CUX2: variants seen among roughly 807,000 people sequenced by gnomAD.
CUX2 encodes the protein cut like homeobox 2, also known as homeobox protein cut-like 2.
Under a neutral mutation model 144.8 loss-of-function variants are expected in CUX2, and 40 were observed. That is an observed-to-expected ratio of 0.28 (90% confidence interval 0.21 to 0.36). The LOEUF (loss-of-function observed/expected upper bound fraction) is 0.36, where lower values mean the gene tolerates loss of function less well. CUX2 is among the 10% of genes least tolerant of loss of function. CUX2 has a pLI of 1.00. For synonymous variants in CUX2, 827 were observed against 875.6 expected, an observed-to-expected ratio of 0.94 and a Z score of 0.98; for missense variants, 1,615 against 1,994.0, an observed-to-expected ratio of 0.81 and a Z score of 3.62.
At chr12:111,115,135 C>A (rs927581847) in intron 1 of CUX2, among the ~76,000 whole-genome samples, 2 of 152,028 alleles carry the variant, frequency 1.3e-5, no homozygotes, top group African/African-American at 2.4e-5. Context: ...TTCAAAGTTT[C>A]TTTGGATATT....
At chr12:111,203,231 C>CAAA (rs35855857) in intron 1 of CUX2, among the ~76,000 whole-genome samples, 19 of 76,528 alleles carry the variant, frequency 2.5e-4, no homozygotes, top group East Asian at 7.2e-4. Flanking sequence ...GACTCTGTCT[C>CAAA]AAAAAAAAAA....
At chr12:111,104,508 CA>C (rs1873468422) in intron 1 of CUX2, among the ~76,000 whole-genome samples, 2 of 152,226 alleles carry the variant, frequency 1.3e-5, no homozygotes, top group African/African-American at 4.8e-5. Context: ...GAGCCTGATT[CA>C]AAAGCCAGGT....
chr12:111,122,264 C>T (rs1451128762), intron 1 of CUX2, among the ~76,000 whole-genome samples: 1 of 152,220 alleles, frequency 6.6e-6, no homozygotes, highest in Admixed American at 6.5e-5. Flanking sequence ...TCCCCTACCC[C>T]ACCTTTCATT....
intron 1 of CUX2, among the ~76,000 whole-genome samples, chr12:111,067,646 T>C (rs1871077964): frequency 6.6e-6 from 1 of 152,222 alleles, no homozygotes; most frequent in Admixed American, 6.5e-5. Context: ...GGCCACTCCA[T>C]TCTGTGTGAC....
At position 111,037,561 on chromosome 12, in the gene CUX2, T is replaced by TC. The variant is rs563887262; in HGVS notation, c.63+3327dup. The stretch of plus-strand genomic sequence containing the variant: ...CTACTCCGGCACTCCTGAAACTACC[T>TC]CCCCCCGTCTTTGCTTCTTTTTTGC... On this transcript the variant is annotated intron_variant, in intron 1 of 21. Coordinates refer to ENST00000261726, the MANE Select transcript of CUX2 (RefSeq NM_015267.4). The surrounding 1 kb of genome is among the most constrained non-coding windows in gnomAD (Gnocchi z 5.4). Among the ~76,000 whole-genome samples the TC allele has an allele frequency of 6.6e-5, 10 of 152,140 alleles. No homozygotes were observed. The East Asian group carries it at 1.4e-3, about 21-fold the overall frequency.
At position 111,322,203 on chromosome 12, in the gene CUX2, AACT is replaced by A. The variant is rs1887570304; in HGVS notation, c.2767-213_2767-211del. Among the ~76,000 whole-genome samples, 1 of 151,910 alleles carries A rather than the reference AACT, an allele frequency of 6.6e-6. No individual in the cohort carries two copies. Among genetic ancestry groups the A allele is most frequent in the Non-Finnish European group, 1.5e-5 (1 of 67,984 alleles). ...CGTGCACCAGCCTGGTACAAGTCCCAACTACTAAGGAGGCTGAGGCAGGAGAAT... is the reference window on the plus strand; with the variant it reads ...CGTGCACCAGCCTGGTACAAGTCCCAACTAAGGAGGCTGAGGCAGGAGAAT... On this transcript the variant is annotated intron_variant, in intron 17 of 21. Transcript: ENST00000261726. This position sits in a 1 kb window ranked among gnomAD's most constrained non-coding sequence, Gnocchi z 4.2.
intron 3 of CUX2, among the ~76,000 whole-genome samples, chr12:111,230,767 G>C (rs533429087): frequency 1.3e-5 from 2 of 152,324 alleles, no homozygotes; most frequent in African/African-American, 4.8e-5. Flanking sequence ...GGTAAATGCT[G>C]AACAACTAGC....
intron 1 of CUX2, among the ~76,000 whole-genome samples, chr12:111,142,895 A>G (rs554613479): frequency 2.0e-5 from 3 of 152,276 alleles, no homozygotes; most frequent in East Asian, 1.9e-4. Context: ...CGATGTGCCA[A>G]TCACAGAGGG....
At chr12:111,297,303 C>A (rs1886060270) in intron 8 of CUX2, among the ~76,000 whole-genome samples, 3 of 152,238 alleles carry the variant, frequency 2.0e-5, no homozygotes, top group African/African-American at 7.2e-5. Context: ...CTCCCTCTGT[C>A]CCTCCAGACA....
chr12:111,169,497 C>T (rs1228475718), intron 1 of CUX2, among the ~76,000 whole-genome samples: 1 of 152,190 alleles, frequency 6.6e-6, no homozygotes, highest in East Asian at 1.9e-4. Flanking sequence ...TCGTTTTATT[C>T]AAAGATAGCC....
intron 1 of CUX2, among the ~76,000 whole-genome samples, chr12:111,200,960 A>C (rs1383721770): frequency 6.6e-6 from 1 of 152,184 alleles, no homozygotes; most frequent in East Asian, 1.9e-4. Context: ...CCCTCGAGGC[A>C]TCCTTGCTCT....
chr12:111,320,592 G>A lies in CUX2; in HGVS notation c.2583G>A (p.Ala861=). Residue 861 remains alanine, a synonymous_variant, in exon 17 of 22, where the codon GCG becomes GCA. Transcript: ENST00000261726. The surrounding 1 kb of genome is among the most constrained non-coding windows in gnomAD (Gnocchi z 8.1). ...AGGCTGAGGGCGCGACGGCCGAGGCGGGCGCGCGGCTGCCCTACTACCCGG... is the reference window on the plus strand; with the variant it reads ...AGGCTGAGGGCGCGACGGCCGAGGCAGGCGCGCGGCTGCCCTACTACCCGG... ...ELKAEGATAE[A]GARLPYYPAY... 2 of 1,529,440 alleles carry A rather than the reference G, an allele frequency of 1.3e-6. No individual in the cohort carries two copies. The highest frequency in any genetic ancestry group is 1.7e-6 in the Non-Finnish European group (2 of 1,146,774). 94.7% of individuals were successfully genotyped at this position (1,529,440 alleles called of 1,614,324 possible).
At chr12:111,162,172 G>A (rs1315692697) in intron 1 of CUX2, among the ~76,000 whole-genome samples, 1 of 152,246 alleles carries the variant, frequency 6.6e-6, no homozygotes, top group African/African-American at 2.4e-5. Flanking sequence ...TGCCGGGCCT[G>A]GTGTGAAGCC....
chr12:111,264,510 C>T (rs1265421515), intron 4 of CUX2, among the ~76,000 whole-genome samples: 2 of 151,990 alleles, frequency 1.3e-5, no homozygotes, highest in African/African-American at 4.8e-5. Context: ...CGAGGTGGGC[C>T]GATCACCTGA....
rs772294343 is a variant in CUX2 at position 111,334,724 on chromosome 12, G to A, written c.3196+14G>A. ...ACAACAATCTAGGTACGGAGCGGGT[G>A]GGAATCGGAGAGGCTGCCTCCCACC... On this transcript the variant is annotated intron_variant, in intron 19 of 21. Transcript: ENST00000261726. 2.5e-6 allele frequency: 4 copies of A among 1,575,188 alleles called. No individual in the cohort carries two copies. The Admixed American group carries it at 5.3e-5, about 21-fold the overall frequency.
At chr12:111,339,447 C>T (rs1035059383) in intron 20 of CUX2, 2 of 152,296 alleles carry the variant, frequency 1.3e-5, no homozygotes. Context: ...GACCAGGAAC[C>T]GTCTCTTGTA....
intron 1 of CUX2, among the ~76,000 whole-genome samples, chr12:111,073,096 T>C (rs192280491): frequency 6.6e-6 from 1 of 152,280 alleles, no homozygotes; most frequent in East Asian, 1.9e-4. Context: ...TGTCACAAAC[T>C]GAACATACTC....
At position 111,171,820 on chromosome 12, in the gene CUX2, T is replaced by C. The variant is rs1878539971; in HGVS notation, c.64-42380T>C. On this transcript the variant is annotated intron_variant, in intron 1 of 21. Coordinates refer to ENST00000261726, the MANE Select transcript of CUX2 (RefSeq NM_015267.4). This position sits in a 1 kb window ranked among gnomAD's most constrained non-coding sequence, Gnocchi z 5.0. ...AAGGCAGAGCTTGGGAAATTGGCCC[T>C]CTGTCTTCTCCCATCCAGATATGTG... is the stretch of plus-strand genomic sequence containing the variant. Among the ~76,000 whole-genome samples, 1 of 152,240 alleles carries C rather than the reference T, an allele frequency of 6.6e-6. No individual in the cohort carries two copies. The highest frequency in any genetic ancestry group is 2.4e-5 in the African/African-American group (1 of 41,466).
chr12:111,300,635 G>C (rs1035180861), intron 9 of CUX2, among the ~76,000 whole-genome samples: 1 of 152,130 alleles, frequency 6.6e-6, no homozygotes, highest in Non-Finnish European at 1.5e-5. Flanking sequence ...ATTTTCAGCT[G>C]TGCAATCCAT....
Sources: gnomAD v4.1 joint callset for allele counts (sites outside exome capture counted in the v4.1 genomes callset) on GRCh38, gnomAD v4.1.1 for gene constraint, Gnocchi (gnomAD v3.1) non-coding constraint, MANE v1.5 for transcripts, NCBI Gene and HGNC (gene_info 2026-07-23, HGNC 2026-07-21) for gene names.